The following CC2D2B variants were observed in gnomAD, a reference collection of about 807,000 sequenced individuals.
CC2D2B encodes coiled-coil and C2 domain containing 2B, also known as protein CC2D2B.
A neutral mutation model predicts 161.2 loss-of-function variants in CC2D2B; 128 were observed. The ratio of observed to expected loss-of-function variants is 0.79; its 90% CI spans 0.69 to 0.92. The LOEUF is 0.92. CC2D2B is among the 40% of genes least tolerant of loss of function. The probability of loss-of-function intolerance (pLI) is 0.00; values close to 1 mark genes in which losing one functional copy is unlikely to be tolerated. For missense variants in CC2D2B, 1,173 were observed against 1,375.1 expected (o/e 0.85, Z 2.32); for synonymous variants, 391 against 449.8 (o/e 0.87, Z 1.65).
In CC2D2B at chr10:95,972,122, T is replaced by C. The variant is rs2077157642; in HGVS notation, c.1701T>C (p.Pro567=). 1 of 1,231,072 alleles carries C rather than the reference T, an allele frequency of 8.1e-7. No individual in the cohort carries two copies. Among genetic ancestry groups the C allele is most frequent in the Non-Finnish European group, 1.0e-6 (1 of 987,128 alleles). The allele number at this position is 1,231,072 out of a possible 1,614,324, so 76.3% of individuals were successfully genotyped here. ...TGGCAAAACTATATATACCTTTACC[T>C]AACTACACAGAGCTGAAAGGCAAAA... ...SLLAKLYIPL[P]NYTELKGKTA... Residue 567 remains proline, a synonymous_variant, in exon 16 of 35, where the codon CCT becomes CCC. Coordinates refer to ENST00000646931, the MANE Select transcript of CC2D2B (RefSeq NM_001349008.3).
At chr10:95,911,121 C>T (rs1050152388) in intron 1 of CC2D2B, 180 bp from the exon 2 acceptor site, 14 of 176,826 alleles carry the variant, frequency 7.9e-5, no homozygotes, top group Non-Finnish European at 1.3e-4. Flanking sequence ...TTGCATTAAC[C>T]GGGATTTCTA....
intron 32 of CC2D2B, among the ~76,000 whole-genome samples, chr10:96,024,198 C>A (rs956227983): frequency 5.9e-5 from 9 of 152,022 alleles, no homozygotes; most frequent in South Asian, 4.1e-4. Flanking sequence ...CTGTTCCAGG[C>A]AAAGGCTTGG....
In CC2D2B at chr10:95,939,044, T is replaced by C. The variant is rs560921405; in HGVS notation, c.801+119T>C. The C allele has an allele frequency of 1.5e-5, 7 of 473,182 alleles. No homozygotes were observed. The East Asian group carries it at 1.7e-4, about 11-fold the overall frequency. 29.3% of individuals were successfully genotyped at this position (473,182 alleles called of 1,614,324 possible). ...ATACTAAGTCTACTAATATAATGTC[T>C]AAATCATGATGAAATGTTAAATAGC... is the stretch of plus-strand genomic sequence containing the variant. On this transcript the variant is annotated intron_variant, in intron 9 of 34. Transcript: ENST00000646931.
chr10:95,996,338 T>TTGAA lies in CC2D2B; in HGVS notation c.2849+87_2849+90dup, dbSNP rs368112748. The TTGAA allele has an allele frequency of 8.7e-5, 55 of 630,620 alleles. 1 individual carries two copies. In the East Asian group the frequency reaches 1.5e-3, roughly 18 times the overall value. The allele number at this position is 630,620 out of a possible 1,614,324, so 39.1% of individuals were successfully genotyped here. ...TTGAGCCACTTATTGAAAATAATTA[T>TTGAA]TGAAATAGGCTTTATTTAAGCTTTT... On this transcript the variant is annotated intron_variant, in intron 24 of 34. Transcript: ENST00000646931.
chr10:96,002,949 TAGG>T (rs1197533267), intron 24 of CC2D2B, among the ~76,000 whole-genome samples: 1 of 150,864 alleles, frequency 6.6e-6, no homozygotes, highest in Non-Finnish European at 1.5e-5. Flanking sequence ...GAGGCTGAGG[TAGG>T]AGGATCACTT....
chr10:95,975,111 G>C (rs565473463), intron 17 of CC2D2B, among the ~76,000 whole-genome samples: 76 of 152,238 alleles, frequency 5.0e-4, no homozygotes, highest in African/African-American at 1.8e-3. Flanking sequence ...GGGTACATGG[G>C]AACTCTCTGT....
intron 30 of CC2D2B, among the ~76,000 whole-genome samples, chr10:96,016,554 A>G (rs1019189052): frequency 6.6e-6 from 1 of 152,178 alleles, no homozygotes; most frequent in Non-Finnish European, 1.5e-5. Flanking sequence ...GCTACATCAT[A>G]GGGTTACTGG....
intron 6 of CC2D2B, among the ~76,000 whole-genome samples, chr10:95,930,657 G>T (rs1371754400): frequency 6.6e-6 from 1 of 152,132 alleles, no homozygotes; most frequent in African/African-American, 2.4e-5. Flanking sequence ...TGTGGTTTTT[G>T]TCATTGGTTC....
In CC2D2B at chr10:96,012,060, G is replaced by A. The variant is rs528942605; in HGVS notation, c.3046-125G>A. The A allele has an allele frequency of 1.1e-4, 58 of 527,290 alleles. 1 individual carries two copies. The highest frequency in any genetic ancestry group is 1.1e-3 in the African/African-American group (55 of 50,570). The allele number at this position is 527,290 out of a possible 1,614,324, so 32.7% of individuals were successfully genotyped here. On this transcript the variant is annotated intron_variant, in intron 26 of 34. Transcript: ENST00000646931. ...TGCTCATTCTTGGGCAAGTGCAAAT[G>A]AGTAGAAGCCCGTTCACGCAAGCAA...
intron 17 of CC2D2B, 127 bp downstream of exon 17, chr10:95,974,283 ATCTTTTATT>A: frequency 2.2e-6 from 1 of 447,508 alleles, no homozygotes; most frequent in Non-Finnish European, 3.7e-6. Flanking sequence ...ATGTTGATTT[ATCTTTTATT>A]TAAATCACTC....
intron 26 of CC2D2B, among the ~76,000 whole-genome samples, chr10:96,010,635 A>C (rs771733092): frequency 6.6e-6 from 1 of 152,184 alleles, no homozygotes; most frequent in Non-Finnish European, 1.5e-5. Context: ...CCTGGGTTGC[A>C]AGTGGAAATG....
At chr10:95,972,356 A>C (rs2077165429) in intron 16 of CC2D2B, 140 bp downstream of exon 16, 3 of 591,294 alleles carry the variant, frequency 5.1e-6, no homozygotes, top group Non-Finnish European at 7.4e-6. Context: ...TTGAGACAGA[A>C]TCTCACCCAG....
rs1419342437 is a variant in CC2D2B, at chr10:95,949,580, C to T, written c.802-316C>T. 4.7e-3 allele frequency among the ~76,000 whole-genome samples: 606 copies of T among 128,056 alleles called. 2 individuals carry two copies. The highest frequency in any genetic ancestry group is 7.5e-3 in the Non-Finnish European group (467 of 62,170). The allele number at this position is 128,056 out of a possible 152,430, so 84.0% of individuals were successfully genotyped here. ...CTAGATGACACGTTAGTGGGTGCAG[C>T]GCACCAGCATGGCACATGTATACAT... On this transcript the variant is annotated intron_variant, in intron 9 of 34. Coordinates refer to ENST00000646931, the MANE Select transcript of CC2D2B (RefSeq NM_001349008.3).
chr10:95,992,104 A>G (rs1002847232), intron 21 of CC2D2B, among the ~76,000 whole-genome samples: 7 of 152,214 alleles, frequency 4.6e-5, no homozygotes, highest in African/African-American at 1.7e-4. Context: ...CCATAAAACT[A>G]TAATTCTATG....
At chr10:96,020,069 A>T (rs2079385760) in intron 32 of CC2D2B, 1 of 374,082 alleles carries the variant, frequency 2.7e-6, no homozygotes, top group South Asian at 3.9e-5. Context: ...AGAATTTAAA[A>T]TTTTTTCACC....
intron 10 of CC2D2B, among the ~76,000 whole-genome samples, chr10:95,952,671 A>G (rs1233912670): frequency 6.6e-6 from 1 of 152,114 alleles, no homozygotes; most frequent in Non-Finnish European, 1.5e-5. Flanking sequence ...GTGCACCACC[A>G]TGCCCAGCTG....
chr10:95,972,072 G>A lies in CC2D2B; in HGVS notation c.1651G>A (p.Glu551Lys). ...WPEVICLEVY[E>K]KSKRTSLLAK... ...CCATTTCTTTTATATTTAGGTTTATGAAAAAAGTAAAAGGACAAGCTTACT... is the reference window on the plus strand; with the variant it reads ...CCATTTCTTTTATATTTAGGTTTATAAAAAAAGTAAAAGGACAAGCTTACT... Residue 551 changes from glutamate to lysine, a missense_variant, in exon 16 of 35, where the codon GAA (glutamate) becomes AAA (lysine). By Grantham distance (56) the Glu-to-Lys change is moderately conservative (BLOSUM62 1). This residue lies in a region of CC2D2B where 277 missense variants were observed against 420.6 expected (regional missense o/e 0.66). Transcript: ENST00000646931. 8.1e-7 allele frequency: 1 copy of A among 1,227,758 alleles called. No individual in the cohort carries two copies. The highest frequency in any genetic ancestry group is 1.6e-5 in the African/African-American group (1 of 64,398). 76.1% of individuals were successfully genotyped at this position (1,227,758 alleles called of 1,614,324 possible).
At chr10:95,976,939 G>A (rs2077337704) in intron 17 of CC2D2B, among the ~76,000 whole-genome samples, 1 of 152,104 alleles carries the variant, frequency 6.6e-6, no homozygotes, top group African/African-American at 2.4e-5. Flanking sequence ...TAGTAGAGAC[G>A]GGGTCTCTCC....
intron 32 of CC2D2B, among the ~76,000 whole-genome samples, chr10:96,024,444 A>C (rs1211583650): frequency 1.3e-5 from 2 of 152,234 alleles, no homozygotes; most frequent in Non-Finnish European, 2.9e-5. Context: ...AAATCTTTAC[A>C]AAACCCTAGA....
Sources: gnomAD v4.1 joint callset for allele counts (sites outside exome capture counted in the v4.1 genomes callset) on GRCh38, gnomAD v4.1.1 for gene constraint, gnomAD v4.1.1 regional missense constraint, MANE v1.5 for transcripts, NCBI Gene and HGNC (gene_info 2026-07-23, HGNC 2026-07-21) for gene names.